Variants in ZCCHC2 observed in about 807,000 individuals in gnomAD.
The protein encoded by ZCCHC2 is zinc finger CCHC-type containing 2.
ZCCHC2 carries 39 observed loss-of-function variants against 103.6 expected under a neutral mutation model. That is an observed-to-expected ratio of 0.38 (90% CI 0.29 to 0.49). The LOEUF is 0.49. Among genes scored for constraint, ZCCHC2 ranks in the 20% least tolerant of loss-of-function variants. The pLI is 0.96. For missense variants in ZCCHC2, 1,483 were observed against 1,491.0 expected, an observed-to-expected ratio of 0.99 and a Z score of 0.09; for synonymous variants, 687 against 608.9, an observed-to-expected ratio of 1.13 and a Z score of -1.89.
At position 62,575,652 on chromosome 18, in the gene ZCCHC2, G is replaced by GTGTTTTCGTTTATGGATAT. The variant is rs1398425504; in HGVS notation, c.3469+110_3469+128dup. 14 of 1,390,538 alleles carry GTGTTTTCGTTTATGGATAT rather than the reference G, an allele frequency of 1.0e-5. No individual in the cohort carries two copies. The Admixed American group carries it at 3.5e-4, about 35-fold the overall frequency. 86.1% of individuals were successfully genotyped at this position (1,390,538 alleles called of 1,614,324 possible). A position where few individuals can be genotyped will look rare whatever the true frequency, so the allele number is the denominator to read the frequency against. ...TCTGTTGTAGCAGAAAGATCTGTTT[G>GTGTTTTCGTTTATGGATAT]TGTTTTCGTTTATGGATATTGTTTT... On this transcript the variant is annotated intron_variant, in intron 13 of 13. Transcript: ENST00000269499.
At chr18:62,558,199 A>T (rs2145515944) in intron 6 of ZCCHC2, among the ~76,000 whole-genome samples, 1 of 152,314 alleles carries the variant, frequency 6.6e-6, no homozygotes, top group South Asian at 2.1e-4. Context: ...AATGTGTTGC[A>T]TGGGCCAGTG....
intron 1 of ZCCHC2, among the ~76,000 whole-genome samples, chr18:62,528,375 A>T (rs1406211544): frequency 6.6e-6 from 1 of 152,114 alleles, no homozygotes; most frequent in Non-Finnish European, 1.5e-5. Flanking sequence ...TGGGCGGATC[A>T]CGAGGTCAGG....
Position 62,568,492 on chromosome 18 carries a change from T to C in ZCCHC2, c.1847-1611T>C, listed in dbSNP as rs895008481. On this transcript the variant is annotated intron_variant, in intron 11 of 13. Transcript: ENST00000269499. ...GTTAGTATAGATTTAGATTTATGTATTCAGTTCTTTGGAAGCTGCGGTTTT... is the reference window on the plus strand; with the variant it reads ...GTTAGTATAGATTTAGATTTATGTACTCAGTTCTTTGGAAGCTGCGGTTTT... Among the ~76,000 whole-genome samples, 13 of 152,250 alleles carry C rather than the reference T, an allele frequency of 8.5e-5. No individual in the cohort carries two copies. In the East Asian group the frequency reaches 2.5e-3, roughly 29 times the overall value.
At chr18:62,567,923 C>T (rs1230042317) in intron 11 of ZCCHC2, among the ~76,000 whole-genome samples, 3 of 90,738 alleles carry the variant, frequency 3.3e-5, no homozygotes, top group Non-Finnish European at 3.9e-5. Flanking sequence ...CCAGCCGGGG[C>T]GACAGAATGA....
At chr18:62,531,399 T>C (rs1451811802) in intron 1 of ZCCHC2, among the ~76,000 whole-genome samples, 2 of 152,246 alleles carry the variant, frequency 1.3e-5, no homozygotes, top group Admixed American at 1.3e-4. Context: ...ATTAGAAATG[T>C]TTTGTGCTCA....
At chr18:62,527,703 C>T (rs1289285359) in intron 1 of ZCCHC2, among the ~76,000 whole-genome samples, 2 of 152,084 alleles carry the variant, frequency 1.3e-5, no homozygotes, top group South Asian at 2.1e-4. Context: ...CTGTGAGTGT[C>T]CTAGGAACTC....
At position 62,523,787 on chromosome 18, in the gene ZCCHC2, G is replaced by A; in HGVS notation, c.363G>A (p.Leu121=). The part of the protein sequence containing the change: ...RLEFMCGLLD[L]CNPLELRFLG... ...AGTTCATGTGCGGGCTGCTGGACCT[G>A]TGCAACCCGCTGGAGCTGCGCTTCC... is the stretch of plus-strand genomic sequence containing the variant. Residue 121 remains leucine (L), a synonymous_variant, in exon 1 of 14, where the codon CTG becomes CTA. Transcript: ENST00000269499. 2 of 1,540,406 alleles carry A rather than the reference G, an allele frequency of 1.3e-6. No homozygotes were observed. Among genetic ancestry groups the A allele is most frequent in the Non-Finnish European group, 1.7e-6 (2 of 1,146,020 alleles).
intron 6 of ZCCHC2, among the ~76,000 whole-genome samples, chr18:62,558,216 C>G (rs1915974298): frequency 6.6e-6 from 1 of 152,022 alleles, no homozygotes; most frequent in African/African-American, 2.4e-5. Flanking sequence ...AGTGCTGGTC[C>G]ATAAATTGCT....
chr18:62,564,578 C>A lies in ZCCHC2; in HGVS notation c.1694C>A (p.Ala565Asp), dbSNP rs1916263786. The A allele has an allele frequency of 6.5e-7, 1 of 1,537,410 alleles. No individual in the cohort carries two copies. The highest frequency in any genetic ancestry group is 1.4e-5 in the African/African-American group (1 of 72,558). ...HCVTSADQHS[A>D]EKRSLSSINK... ...TTTTATTCTTTCTACTAGCATTCTGCTGAAAAACGGAGTTTATCTTCAATA... is the reference window on the plus strand; with the variant it reads ...TTTTATTCTTTCTACTAGCATTCTGATGAAAAACGGAGTTTATCTTCAATA... The change falls in exon 10 of 14, where the codon GCT (alanine) becomes GAT (aspartate). Residue 565 changes from alanine (A) to aspartate (D), a missense_variant. By Grantham distance (126) the Ala-to-Asp change is moderately radical. This residue lies in a region of ZCCHC2 where 884 missense variants were observed against 907.5 expected (regional missense o/e 0.97). Coordinates refer to ENST00000269499, the MANE Select transcript of ZCCHC2 (RefSeq NM_017742.6).
At chr18:62,585,970 C>T (rs778376698) in exon 15 of ZCCHC2, 4 of 152,326 alleles carry the variant, frequency 2.6e-5, no homozygotes, top group East Asian at 1.9e-4. Context: ...TGCTGCCCCA[C>T]GCCACCTCTG....
At chr18:62,534,144 C>T (rs919022379) in intron 1 of ZCCHC2, among the ~76,000 whole-genome samples, 2 of 151,932 alleles carry the variant, frequency 1.3e-5, no homozygotes, top group African/African-American at 4.8e-5. Context: ...CATACCAAGA[C>T]CCCATCTCTA....
chr18:62,528,596 C>CGG (rs199804791), intron 1 of ZCCHC2, among the ~76,000 whole-genome samples: 6 of 80,736 alleles, frequency 7.4e-5, no homozygotes, highest in African/African-American at 2.1e-4. Flanking sequence ...GAGACTGTCT[C>CGG]GGGAAAAAAA....
chr18:62,575,593 C>T lies in ZCCHC2; in HGVS notation c.3469+43C>T. 3 of 1,573,962 alleles carry T rather than the reference C, an allele frequency of 1.9e-6. 1 individual carries two copies. The highest frequency in any genetic ancestry group is 4.0e-4 in the Middle Eastern group (2 of 4,948). On this transcript the variant is annotated intron_variant, in intron 13 of 13. Coordinates refer to ENST00000269499, the MANE Select transcript of ZCCHC2 (RefSeq NM_017742.6). ...CAGAGGACTTGTTTTTGAGTTCACTCATTTCTCCTTCCTTTCCTTATTGAT... is the reference window on the plus strand; with the variant it reads ...CAGAGGACTTGTTTTTGAGTTCACTTATTTCTCCTTCCTTTCCTTATTGAT...
At chr18:62,579,156 C>G (rs977132657), downstream of ZCCHC2, among the ~76,000 whole-genome samples, 2 of 152,196 alleles carry the variant, frequency 1.3e-5, no homozygotes, top group African/African-American at 4.8e-5. Flanking sequence ...CGGCTGCGTG[C>G]CAAACACTAT....
chr18:62,544,169 G>A (rs1418401967), intron 3 of ZCCHC2, among the ~76,000 whole-genome samples: 1 of 152,156 alleles, frequency 6.6e-6, no homozygotes, highest in African/African-American at 2.4e-5. Flanking sequence ...GTATGGGGTA[G>A]CACAAGAGAT....
Position 62,523,790 on chromosome 18 carries a change from C to T in ZCCHC2, c.366C>T (p.Cys122=). The T allele has an allele frequency of 2.6e-6, 4 of 1,540,934 alleles. No individual in the cohort carries two copies. Among genetic ancestry groups the T allele is most frequent in the Non-Finnish European group, 3.5e-6 (4 of 1,146,086 alleles). The change falls in exon 1 of 14, where the codon TGC becomes TGT. Residue 122 remains cysteine (C), a synonymous_variant. Coordinates refer to ENST00000269499, the MANE Select transcript of ZCCHC2 (RefSeq NM_017742.6). ...LEFMCGLLDL[C]NPLELRFLGS... The stretch of plus-strand genomic sequence containing the variant: ...TCATGTGCGGGCTGCTGGACCTGTG[C>T]AACCCGCTGGAGCTGCGCTTCCTTG...
Position 62,523,377 on chromosome 18 carries a change from CCCCT to C in ZCCHC2, c.-44_-41del. On this transcript the variant is annotated 5_prime_UTR_variant, in exon 1 of 14. Coordinates refer to ENST00000269499, the MANE Select transcript of ZCCHC2 (RefSeq NM_017742.6). ...CCTCGGCCCGTGCTCCACCTCGCGG[CCCCT>C]CCCGCCCGCCCCCGCTCGCATGTCT... 7 of 230,304 alleles carry C rather than the reference CCCCT, an allele frequency of 3.0e-5. No individual in the cohort carries two copies. Among genetic ancestry groups the C allele is most frequent in the Non-Finnish European group, 4.3e-5 (6 of 140,406 alleles). The allele number at this position is 230,304 out of a possible 1,614,324, so 14.3% of individuals were successfully genotyped here.
chr18:62,548,377 T>G (rs1915510160), intron 4 of ZCCHC2, among the ~76,000 whole-genome samples: 1 of 152,214 alleles, frequency 6.6e-6, no homozygotes. Context: ...TTACCTGCAG[T>G]CTGCCCAGCA....
At chr18:62,583,146 G>C (rs1290252217), downstream of ZCCHC2, among the ~76,000 whole-genome samples, 1 of 152,060 alleles carries the variant, frequency 6.6e-6, no homozygotes, top group Non-Finnish European at 1.5e-5. Context: ...AACAGGTTTG[G>C]GTAGGAGTGA....
Sources: gnomAD v4.1 joint callset for allele counts (sites outside exome capture counted in the v4.1 genomes callset) on GRCh38, gnomAD v4.1.1 for gene constraint, gnomAD v4.1.1 regional missense constraint, MANE v1.5 for transcripts, NCBI Gene and HGNC (gene_info 2026-07-23, HGNC 2026-07-21) for gene names.